Variants in ARHGEF7 observed in about 807,000 individuals in gnomAD.
The protein encoded by ARHGEF7 is Rho guanine nucleotide exchange factor 7, also known as PAK-interacting exchange factor beta.
Under a neutral mutation model 109.8 loss-of-function variants are expected in ARHGEF7, and 33 were observed. The observed-to-expected ratio is 0.30, with a 90% confidence interval of 0.23 to 0.40. ARHGEF7 has a LOEUF of 0.40. ARHGEF7 is among the 10% of genes least tolerant of loss of function. ARHGEF7 has a pLI of 1.00. For missense variants in ARHGEF7, 938 were observed against 1,098.5 expected, an observed-to-expected ratio of 0.85 and a Z score of 2.07; for synonymous variants, 458 against 424.6, an observed-to-expected ratio of 1.08 and a Z score of -0.97.
chr13:111,214,114 C>G (rs1340240459), intron 4 of ARHGEF7, among the ~76,000 whole-genome samples: 1 of 152,250 alleles, frequency 6.6e-6, no homozygotes, highest in African/African-American at 2.4e-5. Context: ...ATTCCCCGCT[C>G]TCTTAGACGC....
chr13:111,167,095 T>G (rs987316811), intron 2 of ARHGEF7, among the ~76,000 whole-genome samples: 5 of 152,162 alleles, frequency 3.3e-5, no homozygotes, highest in African/African-American at 1.2e-4. Flanking sequence ...ACGGTTGGTT[T>G]GTTCTTGGGT....
At chr13:111,216,934 A>G (rs1355118566) in intron 4 of ARHGEF7, among the ~76,000 whole-genome samples, 2 of 152,216 alleles carry the variant, frequency 1.3e-5, no homozygotes, top group African/African-American at 4.8e-5. Context: ...AAATATGCAC[A>G]GTTTCTGAGA....
intron 19 of ARHGEF7, among the ~76,000 whole-genome samples, chr13:111,299,221 T>C (rs115497122): frequency 0.024 from 3,663 of 152,180 alleles, 150 homozygotes; most frequent in African/African-American, 0.085. Flanking sequence ...GAAATAACAG[T>C]GGTGCCCTCG....
intron 2 of ARHGEF7, among the ~76,000 whole-genome samples, chr13:111,161,761 C>A (rs1035727362): frequency 6.6e-6 from 1 of 151,770 alleles, no homozygotes; most frequent in African/African-American, 2.4e-5. Flanking sequence ...TTAACCATTG[C>A]AAATATGTAA....
intron 5 of ARHGEF7, among the ~76,000 whole-genome samples, chr13:111,220,857 T>G (rs1220053344): frequency 6.6e-6 from 1 of 151,872 alleles, no homozygotes; most frequent in Non-Finnish European, 1.5e-5. Context: ...CATGGTGTGT[T>G]GCCATCAAGG....
intron 16 of ARHGEF7, among the ~76,000 whole-genome samples, chr13:111,285,324 A>G (rs2153614479): frequency 6.6e-6 from 1 of 152,288 alleles, no homozygotes; most frequent in South Asian, 2.1e-4. Context: ...TCCATAGCAC[A>G]TCTCATCTTC....
At chr13:111,177,165 A>G (rs2078249488) in intron 2 of ARHGEF7, among the ~76,000 whole-genome samples, 1 of 152,254 alleles carries the variant, frequency 6.6e-6, no homozygotes, top group Non-Finnish European at 1.5e-5. Flanking sequence ...GGAAGCAGGC[A>G]TCGCTTTGCG....
At chr13:111,130,967 C>T (rs559285088) in intron 1 of ARHGEF7, among the ~76,000 whole-genome samples, 16 of 152,288 alleles carry the variant, frequency 1.1e-4, no homozygotes, top group South Asian at 2.1e-4. Flanking sequence ...GTGCTGGAAC[C>T]GAGGGGACGC....
chr13:111,166,819 C>T (rs2077170961), intron 2 of ARHGEF7, among the ~76,000 whole-genome samples: 1 of 152,222 alleles, frequency 6.6e-6, no homozygotes, highest in South Asian at 2.1e-4. Flanking sequence ...GCTGGGATAT[C>T]AGCTTCAGAC....
At chr13:111,269,640 G>C (rs935910752) in intron 9 of ARHGEF7, among the ~76,000 whole-genome samples, 1 of 152,140 alleles carries the variant, frequency 6.6e-6, no homozygotes, top group African/African-American at 2.4e-5. Context: ...CAGCAGCCCC[G>C]GGGCAAGTCA....
chr13:111,286,178 A>C lies in ARHGEF7; in HGVS notation c.1982A>C (p.Lys661Thr), dbSNP rs1297268468. 1.9e-6 allele frequency: 3 copies of C among 1,613,896 alleles called. No individual in the cohort carries two copies. Among genetic ancestry groups the C allele is most frequent in the African/African-American group, 1.3e-5 (1 of 74,886 alleles). Residue 661 changes from lysine to threonine, a missense_variant, in exon 17 of 22, where the codon AAG (lysine) becomes ACG (threonine). Physicochemically the swap from Lys to Thr is moderately conservative, Grantham distance 78 (BLOSUM62 -1). Transcript: ENST00000646102. ...AGTAAGAGCCCTAAGACCATGAAAA[A>C]GCTGCTGCCCAAGCGCAAACCTGAA... ...DLSKSPKTMK[K>T]LLPKRKPERK...
chr13:111,181,727 TA>T (rs1323803003), intron 2 of ARHGEF7, among the ~76,000 whole-genome samples: 2 of 152,084 alleles, frequency 1.3e-5, no homozygotes, highest in South Asian at 2.1e-4. Context: ...GTAACCTGAA[TA>T]GGGGGCAGCA....
intron 2 of ARHGEF7, among the ~76,000 whole-genome samples, chr13:111,168,752 A>C (rs1355188144): frequency 2.0e-5 from 3 of 152,242 alleles, no homozygotes; most frequent in Admixed American, 6.5e-5. Flanking sequence ...GAAATATTAA[A>C]GATGTAAAAA....
At chr13:111,224,633 C>T (rs977495871) in intron 5 of ARHGEF7, among the ~76,000 whole-genome samples, 6 of 152,188 alleles carry the variant, frequency 3.9e-5, no homozygotes, top group Non-Finnish European at 7.3e-5. Context: ...AGATCTTTAA[C>T]GACATTGCCA....
Position 111,154,002 on chromosome 13 carries a change from G to A in ARHGEF7, c.252+11G>A. ...TCCCTGCGGCTGGAGGTGAGCGCGGGCGGCCACGGGCCGAGGGAGGGGCCG... is the reference window on the plus strand; with the variant it reads ...TCCCTGCGGCTGGAGGTGAGCGCGGACGGCCACGGGCCGAGGGAGGGGCCG... On this transcript the variant is annotated intron_variant, in intron 2 of 21. Transcript: ENST00000646102. 1 of 1,594,828 alleles carries A rather than the reference G, an allele frequency of 6.3e-7. No individual in the cohort carries two copies. Among genetic ancestry groups the A allele is most frequent in the Non-Finnish European group, 8.5e-7 (1 of 1,174,056 alleles).
intron 3 of ARHGEF7, among the ~76,000 whole-genome samples, chr13:111,208,481 A>G (rs752028234): frequency 5.3e-5 from 8 of 152,164 alleles, no homozygotes; most frequent in Non-Finnish European, 1.2e-4. Context: ...TTCTCAAGGC[A>G]TTTAGTTGAC....
At chr13:111,225,338 C>T (rs902196100) in intron 5 of ARHGEF7, among the ~76,000 whole-genome samples, 2 of 152,208 alleles carry the variant, frequency 1.3e-5, no homozygotes, top group South Asian at 2.1e-4. Flanking sequence ...CGGAAGAGCT[C>T]ATGTGGGGAA....
chr13:111,241,152 G>A, intron 6 of ARHGEF7: 1 of 1,533,614 alleles, frequency 6.5e-7, no homozygotes, highest in South Asian at 1.2e-5. Flanking sequence ...GGCACTGGCT[G>A]AGCTCAGCTC....
Position 111,261,922 on chromosome 13 carries a change from C to T in ARHGEF7, c.951-5626C>T, listed in dbSNP as rs558559301. Among the ~76,000 whole-genome samples, 244 of 152,132 alleles carry T rather than the reference C, an allele frequency of 1.6e-3. 1 individual carries two copies. The highest frequency in any genetic ancestry group is 3.8e-3 in the African/African-American group (157 of 41,524). On this transcript the variant is annotated intron_variant, in intron 8 of 21. Transcript: ENST00000646102. The stretch of plus-strand genomic sequence containing the variant: ...TTAAAAATTTCTTGAAACAAGTGAT[C>T]GTGGAAACACAGCATACCAAAACCT...
Sources: gnomAD v4.1 joint callset for allele counts (sites outside exome capture counted in the v4.1 genomes callset) on GRCh38, gnomAD v4.1.1 for gene constraint, MANE v1.5 for transcripts, NCBI Gene and HGNC (gene_info 2026-07-23, HGNC 2026-07-21) for gene names.